Variants in CACNG5 observed in about 807,000 individuals in gnomAD.
The protein encoded by CACNG5 is calcium voltage-gated channel auxiliary subunit gamma 5.
A neutral mutation model predicts 24.8 loss-of-function variants in CACNG5; 18 were observed. That is an observed-to-expected ratio of 0.73 (90% CI 0.50 to 1.08). CACNG5 has a LOEUF of 1.08. Among genes scored for constraint, CACNG5 ranks in the 50% least tolerant of loss-of-function variants. CACNG5 has a pLI of 0.00. For synonymous variants in CACNG5, 157 were observed against 149.1 expected, an observed-to-expected ratio of 1.05 and a Z score of -0.39; for missense variants, 349 against 367.9, an observed-to-expected ratio of 0.95 and a Z score of 0.42.
chr17:66,861,027 A>G (rs529112913), intron 1 of CACNG5, among the ~76,000 whole-genome samples: 284 of 149,804 alleles, frequency 1.9e-3, no homozygotes, highest in Admixed American at 3.6e-3. Context: ...ACATGCACGC[A>G]CACACACACA....
chr17:66,870,299 A>G (rs1976987260), intron 1 of CACNG5, among the ~76,000 whole-genome samples: 1 of 152,116 alleles, frequency 6.6e-6, no homozygotes. Flanking sequence ...GCCCAATCCC[A>G]TGGCTGGCAG....
intron 1 of CACNG5, among the ~76,000 whole-genome samples, chr17:66,866,923 T>TTCATAGTGC (rs1976938800): frequency 6.6e-6 from 1 of 152,254 alleles, no homozygotes; most frequent in Non-Finnish European, 1.5e-5. Context: ...AGTGCTGCAA[T>TTCATAGTGC]AAACATATGT....
intron 1 of CACNG5, among the ~76,000 whole-genome samples, chr17:66,846,053 C>A (rs1417795835): frequency 2.6e-5 from 4 of 152,192 alleles, no homozygotes; most frequent in African/African-American, 4.8e-5. Context: ...GTTTACTGAG[C>A]CGTTACTTCA....
chr17:66,861,720 G>A (rs977856124), intron 1 of CACNG5, among the ~76,000 whole-genome samples: 6 of 152,092 alleles, frequency 3.9e-5, no homozygotes, highest in Admixed American at 1.3e-4. Flanking sequence ...TCCATTTCTC[G>A]CTGGCTGTTA....
Position 66,886,884 on chromosome 17 carries a change from G to A in CACNG5, c.*1644G>A, listed in dbSNP as rs968472650. 5.3e-4 allele frequency among the ~76,000 whole-genome samples: 80 copies of A among 152,296 alleles called. No homozygotes were observed. The highest frequency in any genetic ancestry group is 1.6e-3 in the African/African-American group (68 of 41,564). ...AGGCCTCTGTCCTTGGCTTGCAGACGGCTACCTTCCCGCTGTGTCCTCATG... is the reference window on the plus strand; with the variant it reads ...AGGCCTCTGTCCTTGGCTTGCAGACAGCTACCTTCCCGCTGTGTCCTCATG... On this transcript the variant is annotated 3_prime_UTR_variant, in exon 6 of 6. Transcript: ENST00000533854.
chr17:66,868,035 G>A (rs897475084), intron 1 of CACNG5, among the ~76,000 whole-genome samples: 7 of 152,234 alleles, frequency 4.6e-5, no homozygotes, highest in East Asian at 1.9e-4. Flanking sequence ...GTTAGACAGC[G>A]CTCCTACTTG....
intron 1 of CACNG5, among the ~76,000 whole-genome samples, chr17:66,857,119 G>C (rs899768475): frequency 7.3e-6 from 1 of 137,578 alleles, no homozygotes; most frequent in Non-Finnish European, 1.5e-5. Context: ...ACCCAGGCTG[G>C]AGTGCAGGGA....
At chr17:66,879,266 A>G (rs1401459060) in intron 3 of CACNG5, among the ~76,000 whole-genome samples, 2 of 152,228 alleles carry the variant, frequency 1.3e-5, no homozygotes, top group Admixed American at 6.5e-5. Flanking sequence ...CTACTGACCC[A>G]GGCATCAATC....
intron 1 of CACNG5, among the ~76,000 whole-genome samples, chr17:66,838,189 C>A (rs375518541): frequency 1.6e-4 from 25 of 151,808 alleles, no homozygotes; most frequent in African/African-American, 5.8e-4. Context: ...ACAGAGTATA[C>A]CCTGCCTGGC....
At chr17:66,843,042 T>A (rs935015537) in intron 1 of CACNG5, among the ~76,000 whole-genome samples, 13 of 152,206 alleles carry the variant, frequency 8.5e-5, no homozygotes, top group African/African-American at 3.1e-4. Flanking sequence ...TGGCCAATAA[T>A]AACTCCCACC....
chr17:66,884,393 G>C (rs1977214755), intron 4 of CACNG5, 123 bp from the exon 5 acceptor site: 2 of 985,432 alleles, frequency 2.0e-6, no homozygotes, highest in Admixed American at 4.7e-5. Context: ...GAACTCCACT[G>C]AGAGCATTGT....
chr17:66,874,180 G>C (rs747940323), intron 1 of CACNG5, among the ~76,000 whole-genome samples: 1 of 152,230 alleles, frequency 6.6e-6, no homozygotes, highest in Non-Finnish European at 1.5e-5. Flanking sequence ...CTGTAAAATG[G>C]GTGTGGTAAT....
chr17:66,839,742 G>C (rs568141241), intron 1 of CACNG5, among the ~76,000 whole-genome samples: 15 of 152,222 alleles, frequency 9.9e-5, no homozygotes, highest in African/African-American at 3.6e-4. Context: ...CTGCATCACC[G>C]AGGGCTGTGA....
chr17:66,888,972 G>A lies in CACNG5; in HGVS notation c.*3732G>A, dbSNP rs1336532674. On this transcript the variant is annotated 3_prime_UTR_variant, in exon 6 of 6. Coordinates refer to ENST00000533854, the MANE Select transcript of CACNG5 (RefSeq NM_145811.3). ...TTTTGATCAAGGTGAACTTTAAAAT[G>A]GCAGTGCTTGTCCAAGATGGTGAAG... Among the ~76,000 whole-genome samples the A allele has an allele frequency of 1.3e-5, 2 of 152,168 alleles. No homozygotes were observed. The highest frequency in any genetic ancestry group is 6.5e-5 in the Admixed American group (1 of 15,274).
At position 66,884,613 on chromosome 17, in the gene CACNG5, G is replaced by A. The variant is rs376431191; in HGVS notation, c.522G>A (p.Lys174=). ...ATGCAGAGACCTACTTCAACTACAAGTATGGGTGGTCGTTTGCCTTCGCCG... is the reference window on the plus strand; with the variant it reads ...ATGCAGAGACCTACTTCAACTACAAATATGGGTGGTCGTTTGCCTTCGCCG... The part of the protein sequence containing the change: ...TKDAETYFNY[K]YGWSFAFAAI... The change falls in exon 5 of 6, where the codon AAG becomes AAA. Residue 174 remains lysine, a synonymous_variant. Transcript: ENST00000533854. The A allele has an allele frequency of 4.3e-6, 7 of 1,614,032 alleles. No homozygotes were observed. The African/African-American group carries it at 5.3e-5, about 12-fold the overall frequency.
In CACNG5 at chr17:66,886,859, A is replaced by T. The variant is rs528408082; in HGVS notation, c.*1619A>T. The stretch of plus-strand genomic sequence containing the variant: ...GTGTTGGCAGGATTGGTTTCTTCTG[A>T]GGCCTCTGTCCTTGGCTTGCAGACG... On this transcript the variant is annotated 3_prime_UTR_variant, in exon 6 of 6. Transcript: ENST00000533854. Among the ~76,000 whole-genome samples the T allele has an allele frequency of 5.3e-5, 8 of 152,226 alleles. No individual in the cohort carries two copies. The highest frequency in any genetic ancestry group is 6.8e-3 in the Middle Eastern group (2 of 292).
At chr17:66,868,534 G>A (rs1012006614) in intron 1 of CACNG5, among the ~76,000 whole-genome samples, 2 of 152,154 alleles carry the variant, frequency 1.3e-5, no homozygotes, top group African/African-American at 2.4e-5. Context: ...AGGGAAAACA[G>A]GCCACTCATC....
At chr17:66,882,718 T>G (rs1283324867) in intron 4 of CACNG5, among the ~76,000 whole-genome samples, 1 of 151,818 alleles carries the variant, frequency 6.6e-6, no homozygotes, top group Non-Finnish European at 1.5e-5. Flanking sequence ...AATGGATGGG[T>G]GAATGGCTTG....
At position 66,890,970 on chromosome 17, in the gene CACNG5, G is replaced by T. The variant is rs539716615; in HGVS notation, c.*5730G>T. On this transcript the variant is annotated 3_prime_UTR_variant, in exon 6 of 6. Coordinates refer to ENST00000533854, the MANE Select transcript of CACNG5 (RefSeq NM_145811.3). ...CTTGCAGCACCCCAAGGAAGAATAA[G>T]ATTTATGCATAATGGAGTGCACATG... Among the ~76,000 whole-genome samples the T allele has an allele frequency of 6.6e-6, 1 of 152,308 alleles. No homozygotes were observed. The highest frequency in any genetic ancestry group is 1.5e-5 in the Non-Finnish European group (1 of 68,024).
Sources: gnomAD v4.1 joint callset for allele counts (sites outside exome capture counted in the v4.1 genomes callset) on GRCh38, gnomAD v4.1.1 for gene constraint, MANE v1.5 for transcripts, NCBI Gene and HGNC (gene_info 2026-07-23, HGNC 2026-07-21) for gene names.